Variants in LIN28B observed in about 807,000 individuals in gnomAD.
LIN28B encodes lin-28 RNA binding posttranscriptional regulator B.
A neutral mutation model predicts 21.9 loss-of-function variants in LIN28B; 5 were observed. The observed-to-expected ratio is 0.23, with a 90% confidence interval of 0.12 to 0.48. The LOEUF (loss-of-function observed/expected upper bound fraction) is 0.48, where lower values mean the gene tolerates loss of function less well. LIN28B is among the 20% of genes least tolerant of loss of function. The probability of loss-of-function intolerance (pLI) is 0.98; values close to 1 mark genes in which losing one functional copy is unlikely to be tolerated. For synonymous variants in LIN28B, 109 were observed against 111.3 expected, an observed-to-expected ratio of 0.98 and a Z score of 0.13; for missense variants, 245 against 310.5, an observed-to-expected ratio of 0.79 and a Z score of 1.58.
In LIN28B at chr6:105,078,448, A is replaced by G; in HGVS notation, c.418A>G (p.Lys140Glu). Residue 140 changes from lysine to glutamate, a missense_variant, in exon 4 of 4, where the codon AAG (lysine) becomes GAG (glutamate). Lys to Glu is a moderately conservative substitution (Grantham distance 56, BLOSUM62 1). Coordinates refer to ENST00000345080, the MANE Select transcript of LIN28B (RefSeq NM_001004317.4). ...YNCGGLDHHA[K>E]ECSLPPQPKK... is the part of the protein sequence containing the mutation. ...CTGTGGTGGCCTTGATCATCATGCT[A>G]AGGAATGTAGTCTACCTCCTCAGCC... 1 of 1,611,542 alleles carries G rather than the reference A, an allele frequency of 6.2e-7. No individual in the cohort carries two copies. Among genetic ancestry groups the G allele is most frequent in the Non-Finnish European group, 8.5e-7 (1 of 1,177,818 alleles).
chr6:104,946,212 T>C (rs941601256), intron 2 of LIN28B, among the ~76,000 whole-genome samples: 23 of 152,236 alleles, frequency 1.5e-4, no homozygotes, highest in Admixed American at 1.4e-3. Flanking sequence ...CAAACTCCAA[T>C]AGCCTAATAT....
chr6:105,023,968 AGTTTT>A (rs1771232267), intron 2 of LIN28B, among the ~76,000 whole-genome samples: 1 of 151,442 alleles, frequency 6.6e-6, no homozygotes, highest in Admixed American at 6.6e-5. Context: ...TAAGTGATAG[AGTTTT>A]GTTTGTTTGT....
intron 2 of LIN28B, among the ~76,000 whole-genome samples, chr6:104,942,982 GT>G (rs1778114565): frequency 6.6e-6 from 1 of 152,080 alleles, no homozygotes; most frequent in South Asian, 2.1e-4. Flanking sequence ...GTCTTACTAT[GT>G]ATGTTCTCTG....
intron 2 of LIN28B, among the ~76,000 whole-genome samples, chr6:105,023,276 ATATATATAAATAATATATATATT>A (rs1771176772): frequency 5.0e-5 from 2 of 39,890 alleles, no homozygotes; most frequent in Non-Finnish European, 4.4e-5. Context: ...ATTTATTATT[ATATATATAAATAATATATATATT>A]TATATATAAT....
chr6:105,041,997 G>GA (rs1207348076), intron 3 of LIN28B, among the ~76,000 whole-genome samples: 1 of 152,166 alleles, frequency 6.6e-6, no homozygotes, highest in Non-Finnish European at 1.5e-5. Flanking sequence ...CTAGTGCCAA[G>GA]AGGGATAGAA....
At chr6:104,953,993 T>G (rs1778254071), upstream of LIN28B, among the ~76,000 whole-genome samples, 1 of 152,216 alleles carries the variant, frequency 6.6e-6, no homozygotes, top group South Asian at 2.1e-4. Context: ...AACGTGTACC[T>G]TGTTTTTTAA....
At chr6:105,008,166 A>G (rs1770853247) in intron 2 of LIN28B, among the ~76,000 whole-genome samples, 1 of 152,170 alleles carries the variant, frequency 6.6e-6, no homozygotes. Flanking sequence ...ATAGTAGGTT[A>G]TTTTAAGCAA....
At chr6:104,950,879 A>C (rs1293336446) in intron 3 of LIN28B, among the ~76,000 whole-genome samples, 2 of 152,214 alleles carry the variant, frequency 1.3e-5, no homozygotes. Flanking sequence ...CCAAAGTAAA[A>C]TATGCACTAA....
At chr6:105,027,612 A>G (rs1167399504) in intron 3 of LIN28B, among the ~76,000 whole-genome samples, 1 of 151,964 alleles carries the variant, frequency 6.6e-6, no homozygotes. Context: ...GATAGTTTTT[A>G]AAAAGTATTT....
chr6:105,006,634 T>A (rs986171654), intron 2 of LIN28B, among the ~76,000 whole-genome samples: 3 of 152,124 alleles, frequency 2.0e-5, no homozygotes, highest in African/African-American at 7.2e-5. Flanking sequence ...TGGTAACATA[T>A]GACCCCAAAT....
At chr6:104,958,318 C>G in intron 2 of LIN28B, 32 bp downstream of exon 2, 4 of 1,514,556 alleles carry the variant, frequency 2.6e-6, no homozygotes, top group Non-Finnish European at 3.6e-6. Context: ...CCCTCTTCAT[C>G]TTTTTCCATG....
intron 3 of LIN28B, among the ~76,000 whole-genome samples, chr6:105,040,545 A>G (rs927657727): frequency 1.3e-5 from 2 of 152,012 alleles, no homozygotes; most frequent in Non-Finnish European, 2.9e-5. Flanking sequence ...ACCTGATATT[A>G]TAAATACACA....
intron 3 of LIN28B, among the ~76,000 whole-genome samples, chr6:105,067,781 G>A (rs561451377): frequency 2.0e-5 from 3 of 152,196 alleles, no homozygotes; most frequent in Non-Finnish European, 2.9e-5. Context: ...AATCTACCAA[G>A]TACTTTTAAA....
chr6:104,970,739 A>G (rs1269477339), intron 2 of LIN28B, among the ~76,000 whole-genome samples: 1 of 152,162 alleles, frequency 6.6e-6, no homozygotes, highest in Non-Finnish European at 1.5e-5. Flanking sequence ...AGCAAGAAAT[A>G]ATTGCTGGCA....
intron 2 of LIN28B, among the ~76,000 whole-genome samples, chr6:105,015,452 C>T (rs757695494): frequency 1.1e-4 from 16 of 151,852 alleles, no homozygotes; most frequent in South Asian, 2.1e-4. Context: ...GGCAAAGAGT[C>T]GGGTCTTGCT....
At chr6:105,067,381 A>G (rs1239212565) in intron 3 of LIN28B, among the ~76,000 whole-genome samples, 1 of 152,122 alleles carries the variant, frequency 6.6e-6, no homozygotes, top group Non-Finnish European at 1.5e-5. Flanking sequence ...GCTTTTATTT[A>G]TTTGTGTATA....
chr6:104,949,385 C>T (rs1219945439), intron 2 of LIN28B, among the ~76,000 whole-genome samples: 1 of 152,088 alleles, frequency 6.6e-6, no homozygotes, highest in Non-Finnish European at 1.5e-5. Flanking sequence ...CAGAGGTTCA[C>T]GTGCCTTTTG....
At chr6:105,013,490 C>T (rs374959942) in intron 2 of LIN28B, among the ~76,000 whole-genome samples, 15 of 151,848 alleles carry the variant, frequency 9.9e-5, no homozygotes, top group African/African-American at 3.6e-4. Context: ...ATAATCCCAG[C>T]ACTTTGGGAG....
In LIN28B at chr6:105,072,805, A is replaced by G. The variant is rs1772356844; in HGVS notation, c.384-5609A>G. 2.6e-5 allele frequency among the ~76,000 whole-genome samples: 4 copies of G among 152,228 alleles called. No individual in the cohort carries two copies. The South Asian group carries it at 8.3e-4, about 32-fold the overall frequency. On this transcript the variant is annotated intron_variant, in intron 3 of 3. Transcript: ENST00000345080. ...AACTAATTCATTAAAGTATAGGTTG[A>G]TAGAGGTCAGAAGACATGTACACTA...
Sources: allele counts gnomAD v4.1 joint callset (sites outside exome capture counted in the v4.1 genomes callset), GRCh38; gene constraint gnomAD v4.1.1; transcripts MANE v1.5; gene names NCBI Gene and HGNC (gene_info 2026-07-23, HGNC 2026-07-21).